The following PIK3C2G variants were observed in gnomAD, a reference collection of about 807,000 sequenced individuals.
PIK3C2G encodes the protein phosphatidylinositol 3-kinase C2 domain-containing subunit gamma.
Under a neutral mutation model 181.1 loss-of-function variants are expected in PIK3C2G, and 168 were observed. The ratio of observed to expected loss-of-function variants is 0.93; its 90% CI spans 0.82 to 1.05. The LOEUF is 1.05. Among genes scored for constraint, PIK3C2G ranks in the 50% least tolerant of loss-of-function variants. PIK3C2G has a pLI of 0.00. For synonymous variants in PIK3C2G, 573 were observed against 592.2 expected (o/e 0.97, Z 0.47); for missense variants, 1,869 against 1,732.8 (o/e 1.08, Z -1.40).
chr12:18,318,279 G>A (rs191029777), intron 6 of PIK3C2G, among the ~76,000 whole-genome samples: 13 of 152,098 alleles, frequency 8.5e-5, no homozygotes, highest in Admixed American at 8.5e-4. Flanking sequence ...AAACTGGTTT[G>A]GTTTTGAGGT....
chr12:18,467,352 A>T (rs1404409677), intron 18 of PIK3C2G, among the ~76,000 whole-genome samples: 3 of 152,056 alleles, frequency 2.0e-5, no homozygotes, highest in Non-Finnish European at 2.9e-5. Flanking sequence ...CTCCAAAACC[A>T]CAAAGCAAGC....
chr12:18,488,646 A>G lies in PIK3C2G; in HGVS notation c.2685+17A>G, dbSNP rs777804727. On this transcript the variant is annotated intron_variant, in intron 19 of 32. Coordinates refer to ENST00000538779, the MANE Select transcript of PIK3C2G (RefSeq NM_001288772.2). ...CAAAGACAGGTTTGTTGAAATATTA[A>G]TATTCAGGTAGTAATGTTTTTAACT... 1 of 1,423,580 alleles carries G rather than the reference A, an allele frequency of 7.0e-7. No homozygotes were observed. Among genetic ancestry groups the G allele is most frequent in the Non-Finnish European group, 9.4e-7 (1 of 1,069,268 alleles). The allele number at this position is 1,423,580 out of a possible 1,614,324, so 88.2% of individuals were successfully genotyped here.
At chr12:18,581,890 A>G (rs935281454) in intron 29 of PIK3C2G, among the ~76,000 whole-genome samples, 5 of 152,154 alleles carry the variant, frequency 3.3e-5, no homozygotes, top group African/African-American at 1.2e-4. Flanking sequence ...GCTTGAAGAG[A>G]TACAGGAGAA....
intron 5 of PIK3C2G, among the ~76,000 whole-genome samples, chr12:18,299,361 A>G (rs1950079521): frequency 1.3e-5 from 2 of 151,946 alleles, no homozygotes. Context: ...TGGGTTCATA[A>G]AAATGTTATT....
chr12:18,571,242 G>A (rs538786740), intron 29 of PIK3C2G, among the ~76,000 whole-genome samples: 1 of 150,658 alleles, frequency 6.6e-6, no homozygotes, highest in South Asian at 2.1e-4. Context: ...GATTAAGTAT[G>A]TCAGAGAATA....
At chr12:18,561,758 C>T (rs1448483222) in intron 26 of PIK3C2G, among the ~76,000 whole-genome samples, 1 of 150,842 alleles carries the variant, frequency 6.6e-6, no homozygotes, top group African/African-American at 2.4e-5. Flanking sequence ...CAAAAAAAAA[C>T]CTTTAAAAAG....
intron 30 of PIK3C2G, among the ~76,000 whole-genome samples, chr12:18,600,225 C>G (rs1170670347): frequency 6.6e-6 from 1 of 151,608 alleles, no homozygotes; most frequent in Non-Finnish European, 1.5e-5. Context: ...ATCATTTAAT[C>G]ACTTTAACAA....
chr12:18,592,094 G>T (rs903013290), intron 29 of PIK3C2G, among the ~76,000 whole-genome samples: 1 of 151,806 alleles, frequency 6.6e-6, no homozygotes, highest in Admixed American at 6.6e-5. Context: ...TTTGATTTGT[G>T]CTTAGAAGAG....
At chr12:18,286,516 T>C (rs1473414581) in intron 2 of PIK3C2G, among the ~76,000 whole-genome samples, 5 of 152,066 alleles carry the variant, frequency 3.3e-5, no homozygotes, top group Non-Finnish European at 7.4e-5. Flanking sequence ...ATATACATTA[T>C]TTATGGTGAT....
the PIK3C2G span, among the ~76,000 whole-genome samples, chr12:18,671,409 C>T: frequency 2.6e-5 from 4 of 151,874 alleles, no homozygotes; most frequent in Non-Finnish European, 5.9e-5. Context: ...GAGCCTGGCC[C>T]CTTTGTGTAA....
chr12:18,468,383 A>G (rs905652324), intron 18 of PIK3C2G, among the ~76,000 whole-genome samples: 3 of 151,546 alleles, frequency 2.0e-5, no homozygotes, highest in Non-Finnish European at 4.4e-5. Flanking sequence ...TCTTTTAACT[A>G]CTCCTGACAT....
intron 31 of PIK3C2G, among the ~76,000 whole-genome samples, chr12:18,614,419 C>A (rs760977406): frequency 2.0e-5 from 3 of 152,066 alleles, no homozygotes; most frequent in Non-Finnish European, 4.4e-5. Flanking sequence ...TAACAGCTAA[C>A]AAACACCTTT....
intron 8 of PIK3C2G, among the ~76,000 whole-genome samples, chr12:18,329,720 G>T (rs981482561): frequency 6.6e-6 from 1 of 151,960 alleles, no homozygotes; most frequent in African/African-American, 2.4e-5. Context: ...AGAGCACATA[G>T]CTAGGGACAT....
chr12:18,632,077 G>A (rs1458083816), intron 31 of PIK3C2G, among the ~76,000 whole-genome samples: 1 of 152,006 alleles, frequency 6.6e-6, no homozygotes, highest in Non-Finnish European at 1.5e-5. Context: ...GTGGAGACCA[G>A]GGACACTGTG....
intron 15 of PIK3C2G, among the ~76,000 whole-genome samples, chr12:18,396,205 GA>G (rs1423859178): frequency 1.3e-5 from 2 of 151,420 alleles, no homozygotes; most frequent in African/African-American, 2.4e-5. Context: ...TAAGCAATTA[GA>G]TTAAACATTT....
intron 5 of PIK3C2G, among the ~76,000 whole-genome samples, chr12:18,298,563 T>C (rs1278290451): frequency 6.6e-6 from 1 of 151,960 alleles, no homozygotes; most frequent in Non-Finnish European, 1.5e-5. Flanking sequence ...TAGTCCTATT[T>C]GTGTATTTTT....
chr12:18,461,079 T>G (rs970945984), intron 18 of PIK3C2G, among the ~76,000 whole-genome samples: 1 of 152,160 alleles, frequency 6.6e-6, no homozygotes, highest in Non-Finnish European at 1.5e-5. Flanking sequence ...TTTATGTGTA[T>G]GTATGTATAT....
At chr12:18,358,112 C>T (rs1940912596) in intron 11 of PIK3C2G, among the ~76,000 whole-genome samples, 1 of 152,188 alleles carries the variant, frequency 6.6e-6, no homozygotes, top group African/African-American at 2.4e-5. Context: ...GATAAATACC[C>T]AGAAGTAGGA....
the PIK3C2G span, among the ~76,000 whole-genome samples, chr12:18,703,125 G>A: frequency 6.6e-6 from 1 of 152,152 alleles, no homozygotes; most frequent in African/African-American, 2.4e-5. Flanking sequence ...ATAAGTTCCA[G>A]AATTGGACTA....
Sources: allele counts gnomAD v4.1 joint callset (sites outside exome capture counted in the v4.1 genomes callset), GRCh38; gene constraint gnomAD v4.1.1; transcripts MANE v1.5; gene names NCBI Gene and HGNC (gene_info 2026-07-23, HGNC 2026-07-21).